Variants in GEMIN5 observed in about 807,000 individuals in gnomAD.
GEMIN5 encodes gem-associated protein 5.
GEMIN5 carries 124 observed loss-of-function variants against 176.9 expected under a neutral mutation model. The observed-to-expected ratio is 0.70, with a 90% CI of 0.61 to 0.81. The LOEUF (loss-of-function observed/expected upper bound fraction) is 0.81. Among genes scored for constraint, GEMIN5 ranks in the 40% least tolerant of loss-of-function variants. The probability of loss-of-function intolerance (pLI) is 0.00; values close to 1 mark genes in which losing one functional copy is unlikely to be tolerated. For synonymous variants in GEMIN5, 673 were observed against 665.2 expected (o/e 1.01, Z -0.18); for missense variants, 1,843 against 1,814.6 (o/e 1.02, Z -0.28).
In GEMIN5 at chr5:154,911,912, C is replaced by T. The variant is rs1024552471; in HGVS notation, c.1996-14G>A. 6.2e-7 allele frequency: 1 copy of T among 1,607,606 alleles called. No individual in the cohort carries two copies. The highest frequency in any genetic ancestry group is 8.5e-7 in the Non-Finnish European group (1 of 1,177,244). ...AGCATCCCACACCTAAACCCAAAAG[C>T]ACATGGCCGAAAAGACATTTTCTGG... On this transcript the variant is annotated splice_polypyrimidine_tract_variant and intron_variant, in intron 14 of 27. Transcript: ENST00000285873.
Position 154,927,501 on chromosome 5 carries a change from T to C in GEMIN5, c.964A>G (p.Thr322Ala). ...CCTTCTGATGAGGCACTGAAGAGGGTGTATTTCCGTCTCCAAGATTGAGTG... is the reference window on the plus strand; with the variant it reads ...CCTTCTGATGAGGCACTGAAGAGGGCGTATTTCCGTCTCCAAGATTGAGTG... ...DLTQSWRRKY[T>A]LFSASSEGQN... The change falls in exon 7 of 28, where the codon ACC becomes GCC. Residue 322 changes from threonine to alanine, a missense_variant. Physicochemically the swap from Thr to Ala is moderately conservative, Grantham distance 58. Transcript: ENST00000285873. 6.2e-7 allele frequency: 1 copy of C among 1,610,660 alleles called. No individual in the cohort carries two copies. Among genetic ancestry groups the C allele is most frequent in the South Asian group, 1.1e-5 (1 of 90,984 alleles).
Position 154,932,284 on chromosome 5 carries a change from A to T in GEMIN5, c.510-34T>A, listed in dbSNP as rs182912223. 65 of 1,518,586 alleles carry T rather than the reference A, an allele frequency of 4.3e-5. No homozygotes were observed. The African/African-American group carries it at 7.3e-4, about 17-fold the overall frequency. 94.1% of individuals were successfully genotyped at this position (1,518,586 alleles called of 1,614,324 possible). A position where few individuals can be genotyped will look rare whatever the true frequency, so the allele number is the denominator to read the frequency against. ...CAAGAGTTAGAAATATTACTAAAAA[A>T]ATGAAGACAGAACAGAGTCTCTAGT... On this transcript the variant is annotated intron_variant, in intron 3 of 27. Coordinates refer to ENST00000285873, the MANE Select transcript of GEMIN5 (RefSeq NM_015465.5).
At chr5:154,909,843 G>T (rs1763657756) in intron 15 of GEMIN5, among the ~76,000 whole-genome samples, 1 of 152,100 alleles carries the variant, frequency 6.6e-6, no homozygotes, top group African/African-American at 2.4e-5. Context: ...AGCTGGGTGT[G>T]AGGCACGCAC....
chr5:154,901,391 T>C lies in GEMIN5; in HGVS notation c.2962A>G (p.Ile988Val). The C allele has an allele frequency of 6.2e-7, 1 of 1,614,088 alleles. No individual in the cohort carries two copies. The highest frequency in any genetic ancestry group is 8.5e-7 in the Non-Finnish European group (1 of 1,179,980). Reference protein sequence around the residue: ...YVKAASHLLSIHKVYEAVELL... With the variant: ...YVKAASHLLSVHKVYEAVELL... ...TCCACCGCTTCATACACTTTGTGGA[T>C]GGAAAGTAGGTGAGAAGCAGCCTTG... Residue 988 changes from isoleucine (I) to valine (V), a missense_variant, in exon 21 of 28, where the codon ATC (isoleucine) becomes GTC (valine). Ile to Val is a conservative substitution (Grantham distance 29, BLOSUM62 3). Transcript: ENST00000285873.
intron 8 of GEMIN5, among the ~76,000 whole-genome samples, chr5:154,924,820 T>C (rs1434772662): frequency 2.0e-5 from 3 of 152,016 alleles, no homozygotes; most frequent in Non-Finnish European, 2.9e-5. Context: ...AAACCCTGCC[T>C]CTACTAAAAA....
At chr5:154,931,616 A>C in intron 4 of GEMIN5, 39 bp from the exon 5 acceptor site, 1 of 1,540,606 alleles carries the variant, frequency 6.5e-7, no homozygotes, top group Non-Finnish European at 8.9e-7. Context: ...AATTTACATT[A>C]AACACGCACT....
intron 21 of GEMIN5, 75 bp from the exon 22 acceptor site, chr5:154,899,385 C>T (rs1763420582): frequency 2.4e-6 from 3 of 1,242,346 alleles, no homozygotes; most frequent in African/African-American, 3.1e-5. Flanking sequence ...GGCTGTAAGA[C>T]AGGACAAACT....
chr5:154,936,447 T>C (rs1764271437), intron 2 of GEMIN5, among the ~76,000 whole-genome samples: 6 of 151,642 alleles, frequency 4.0e-5, no homozygotes, highest in South Asian at 2.1e-4. Flanking sequence ...TTAATACTTA[T>C]TAGTAGTACT....
intron 21 of GEMIN5, 111 bp downstream of exon 21, chr5:154,901,228 G>T: frequency 9.9e-7 from 1 of 1,012,522 alleles, no homozygotes; most frequent in Non-Finnish European, 1.5e-6. Flanking sequence ...TTACTCAGGG[G>T]GCTGAAGCAG....
chr5:154,894,862 A>G (rs2113457098), intron 24 of GEMIN5, among the ~76,000 whole-genome samples: 1 of 151,948 alleles, frequency 6.6e-6, no homozygotes, highest in African/African-American at 2.4e-5. Context: ...AGCCAAGATC[A>G]TGCCACTGTA....
At chr5:154,910,323 A>AC (rs1461676635) in intron 15 of GEMIN5, among the ~76,000 whole-genome samples, 2 of 152,008 alleles carry the variant, frequency 1.3e-5, no homozygotes, top group East Asian at 3.9e-4. Context: ...TAAAAAAAAA[A>AC]CTTATTTCAC....
intron 13 of GEMIN5, among the ~76,000 whole-genome samples, chr5:154,913,491 G>A (rs923911233): frequency 1.3e-5 from 2 of 152,170 alleles, no homozygotes; most frequent in South Asian, 4.1e-4. Context: ...TACAAAACGA[G>A]TGCCCTATCT....
At chr5:154,892,575 T>TTTA in intron 24 of GEMIN5, 26 bp from the exon 25 acceptor site, 1 of 1,609,390 alleles carries the variant, frequency 6.2e-7, no homozygotes. Flanking sequence ...AGAGTCTGAG[T>TTTA]TAAACATCCT....
At chr5:154,928,851 T>C (rs1192080102) in intron 5 of GEMIN5, among the ~76,000 whole-genome samples, 192 bp from the exon 6 acceptor site, 1 of 152,094 alleles carries the variant, frequency 6.6e-6, no homozygotes, top group Admixed American at 6.6e-5. Flanking sequence ...CTATAAATAC[T>C]GGTTAATACT....
Position 154,888,355 on chromosome 5 carries a change from A to T in GEMIN5, c.4382T>A (p.Leu1461Gln), listed in dbSNP as rs772177517. The T allele has an allele frequency of 2.5e-6, 4 of 1,614,142 alleles. No individual in the cohort carries two copies. Among genetic ancestry groups the T allele is most frequent in the Non-Finnish European group, 3.4e-6 (4 of 1,180,012 alleles). The change falls in exon 28 of 28, where the codon CTG becomes CAG. Residue 1461 changes from leucine (L) to glutamine (Q), a missense_variant. Coordinates refer to ENST00000285873, the MANE Select transcript of GEMIN5 (RefSeq NM_015465.5). Reference sequence around the variant, plus strand: ...GAGAAGCAGGACGAGGCAGCACTCCAGCACATCTGGGAAGGGCCAGGCCTG... The same window carrying T: ...GAGAAGCAGGACGAGGCAGCACTCCTGCACATCTGGGAAGGGCCAGGCCTG... ...SIKAWPFPDV[L>Q]ECCLVLLLIR...
Position 154,907,623 on chromosome 5 carries a change from TC to T in GEMIN5, c.2362del (p.Glu788SerfsTer40). 5 of 1,614,018 alleles carry T rather than the reference TC, an allele frequency of 3.1e-6. No homozygotes were observed. Among genetic ancestry groups the T allele is most frequent in the Non-Finnish European group, 3.4e-6 (4 of 1,179,924 alleles). Reference protein sequence around the residue: ...SDQEGEEQAREPELPCGLAPA... With the variant: ...SDQEGEEQARXPELPCGLAPA... ...AGCAAGGCCACAGGGTAATTCCGGC[TC>T]CCGTGCTTGCTCCTCCCCTTCTTGG... On this transcript the variant is annotated frameshift_variant, in exon 16 of 28. Coordinates refer to ENST00000285873, the MANE Select transcript of GEMIN5 (RefSeq NM_015465.5). LOFTEE classifies it high-confidence loss of function.
At chr5:154,906,288 G>A (rs1250520032) in intron 16 of GEMIN5, among the ~76,000 whole-genome samples, 3 of 152,158 alleles carry the variant, frequency 2.0e-5, no homozygotes, top group African/African-American at 7.2e-5. Context: ...GAACCACCAT[G>A]CCCGCCTTAC....
chr5:154,925,526 G>A (rs1211835243), intron 8 of GEMIN5, among the ~76,000 whole-genome samples: 11 of 152,040 alleles, frequency 7.2e-5, no homozygotes, highest in Admixed American at 2.0e-4. Context: ...CCACATCAAG[G>A]AAGAAGGAAT....
intron 24 of GEMIN5, among the ~76,000 whole-genome samples, chr5:154,895,075 G>A (rs887602524): frequency 2.9e-5 from 4 of 136,182 alleles, no homozygotes; most frequent in South Asian, 2.3e-4. Flanking sequence ...GTGAAATTCC[G>A]CCTCAAAAAG....
Sources: allele counts gnomAD v4.1 joint callset (sites outside exome capture counted in the v4.1 genomes callset), GRCh38; gene constraint gnomAD v4.1.1; transcripts MANE v1.5; gene names NCBI Gene and HGNC (gene_info 2026-07-23, HGNC 2026-07-21).